Variants in NPAT observed in about 807,000 individuals in gnomAD.
NPAT encodes the protein protein NPAT.
Under a neutral mutation model 130.7 loss-of-function variants are expected in NPAT, and 52 were observed. The observed-to-expected ratio is 0.40, with a 90% CI of 0.32 to 0.50. The LOEUF is 0.50. NPAT is among the 20% of genes least tolerant of loss of function. The pLI, the probability that NPAT is intolerant of heterozygous loss-of-function variation, is 0.68. For missense variants in NPAT, 1,687 were observed against 1,662.6 expected, an observed-to-expected ratio of 1.01 and a Z score of -0.26; for synonymous variants, 580 against 584.8, an observed-to-expected ratio of 0.99 and a Z score of 0.12.
At position 108,173,728 on chromosome 11, in the gene NPAT, A is replaced by T. The variant is rs2077978428; in HGVS notation, c.1256T>A (p.Ile419Lys). Residue 419 changes from isoleucine to lysine, a missense_variant, in exon 13 of 18, where the codon ATA becomes AAA. Physicochemically the swap from Ile to Lys is moderately radical, Grantham distance 102. Coordinates refer to ENST00000278612, the MANE Select transcript of NPAT (RefSeq NM_002519.3). Reference protein sequence around the residue: ...RQEDQENFSQISTSIQKKAFK... With the variant: ...RQEDQENFSQKSTSIQKKAFK... ...GGCCTTTTTCTGTATGCTGGTACTT[A>T]TTTGGGAAAAATTTTCCTGGTCTTC... 6.2e-7 allele frequency: 1 copy of T among 1,613,966 alleles called. No homozygotes were observed. The highest frequency in any genetic ancestry group is 1.7e-5 in the Admixed American group (1 of 59,994).
At chr11:108,178,014 C>A (rs1411431813) in intron 10 of NPAT, among the ~76,000 whole-genome samples, 1 of 152,190 alleles carries the variant, frequency 6.6e-6, no homozygotes, top group Non-Finnish European at 1.5e-5. Flanking sequence ...AGTTACTGTG[C>A]CTGGCCCATA....
intron 1 of NPAT, among the ~76,000 whole-genome samples, chr11:108,199,326 C>T (rs956265927): frequency 6.6e-6 from 1 of 152,180 alleles, no homozygotes; most frequent in African/African-American, 2.4e-5. Context: ...TGCAGAGCTG[C>T]AGTGGGCATG....
At position 108,197,368 on chromosome 11, in the gene NPAT, T is replaced by G. The variant is rs1221442439; in HGVS notation, c.90A>C (p.Glu30Asp). The change falls in exon 2 of 18, where the codon GAA (glutamate) becomes GAC (aspartate). Residue 30 changes from glutamate to aspartate, a missense_variant. Physicochemically the swap from Glu to Asp is conservative, Grantham distance 45 (BLOSUM62 2). Transcript: ENST00000278612. ...LISTCQTFIL[E>D]SSDLKEYAEH... ...CTGCATATTCTTTTAAATCTGAACT[T>G]TCCAAAATAAAAGTCTGGCAGGTAG... The G allele has an allele frequency of 6.2e-7, 1 of 1,613,650 alleles. No homozygotes were observed. Among genetic ancestry groups the G allele is most frequent in the South Asian group, 1.1e-5 (1 of 91,054 alleles).
At chr11:108,215,339 C>T (rs1241407894) in intron 1 of NPAT, among the ~76,000 whole-genome samples, 4 of 151,986 alleles carry the variant, frequency 2.6e-5, no homozygotes, top group African/African-American at 9.7e-5. Context: ...AACACACGGG[C>T]ACATAAAGGG....
chr11:108,162,730 T>G (rs2077863911), intron 15 of NPAT, among the ~76,000 whole-genome samples: 1 of 152,172 alleles, frequency 6.6e-6, no homozygotes, highest in Non-Finnish European at 1.5e-5. Context: ...CGCGCCCGGT[T>G]CAGGCAAATA....
chr11:108,188,044 T>C, intron 7 of NPAT, 54 bp downstream of exon 7: 5 of 703,150 alleles, frequency 7.1e-6, no homozygotes, highest in African/African-American at 1.9e-5. Flanking sequence ...ATGTAATTCT[T>C]TTTTTTTTTT....
rs925797095 is a variant in NPAT, at chr11:108,163,236, C to T, written c.3011-1056G>A. The stretch of plus-strand genomic sequence containing the variant: ...CTGGGATTACAGGTGCACGCTGCCA[C>T]GCCTGGCTAATTTTTGTATTTTTAG... On this transcript the variant is annotated intron_variant, in intron 15 of 17. Coordinates refer to ENST00000278612, the MANE Select transcript of NPAT (RefSeq NM_002519.3). Among the ~76,000 whole-genome samples, 5 of 152,128 alleles carry T rather than the reference C, an allele frequency of 3.3e-5. No individual in the cohort carries two copies. The South Asian group carries it at 6.2e-4, about 19-fold the overall frequency.
rs183451718 is a variant in NPAT, at chr11:108,194,531, G to A, written c.157-514C>T. ...AAGGATTTATTTAATATTCATCCAC[G>A]TTATTGTGTGAATCAATAGCATGTT... is the stretch of plus-strand genomic sequence containing the variant. On this transcript the variant is annotated intron_variant, in intron 2 of 17. Transcript: ENST00000278612. Among the ~76,000 whole-genome samples, 14 of 152,306 alleles carry A rather than the reference G, an allele frequency of 9.2e-5. No homozygotes were observed. The East Asian group carries it at 2.3e-3, about 25-fold the overall frequency.
In NPAT at chr11:108,174,088, T is replaced by A. The variant is rs1484207250; in HGVS notation, c.1133-237A>T. Among the ~76,000 whole-genome samples, 6 of 152,168 alleles carry A rather than the reference T, an allele frequency of 3.9e-5. No homozygotes were observed. The East Asian group carries it at 9.6e-4, about 24-fold the overall frequency. On this transcript the variant is annotated intron_variant, in intron 12 of 17. Transcript: ENST00000278612. ...TTGTTTTCCAAGCTTGGAAGACAGATGATACAAAGAAGGAAAAAGTAAAGA... is the reference window on the plus strand; with the variant it reads ...TTGTTTTCCAAGCTTGGAAGACAGAAGATACAAAGAAGGAAAAAGTAAAGA...
intron 7 of NPAT, among the ~76,000 whole-genome samples, chr11:108,187,499 G>C (rs2078119304): frequency 6.6e-6 from 1 of 152,154 alleles, no homozygotes; most frequent in South Asian, 2.1e-4. Context: ...ATATGGTGAA[G>C]TGAGAAAGGC....
At position 108,161,280 on chromosome 11, in the gene NPAT, C is replaced by T. The variant is rs770784235; in HGVS notation, c.3806G>A (p.Arg1269Gln). 2.1e-5 allele frequency: 34 copies of T among 1,613,982 alleles called. No homozygotes were observed. The South Asian group carries it at 2.5e-4, about 12-fold the overall frequency. ...LADSSDLPVPRTPGSGAGEKH... is the reference protein window; with the variant it reads ...LADSSDLPVPQTPGSGAGEKH... The stretch of plus-strand genomic sequence containing the variant: ...TTCCCCTGCCCCTGAGCCAGGTGTC[C>T]GGGGCACAGGTAAATCACTACTATC... Residue 1269 changes from arginine (R) to glutamine (Q), a missense_variant, in exon 17 of 18, where the codon CGG (arginine) becomes CAG (glutamine). Arg to Gln is a conservative substitution (Grantham distance 43). Around this residue, in one of 3 missense-constraint regions of NPAT, gnomAD observed 1,379 missense variants for 1,346.6 expected, o/e 1.02. Transcript: ENST00000278612.
chr11:108,222,592 A>G lies in NPAT; in HGVS notation c.-56T>C. ...GAACAAGACTCAGGTTAAAGCAAAC[A>G]CAGCGACAGCTCCTGCGCCGCATCT... On this transcript the variant is annotated 5_prime_UTR_variant, in exon 1 of 18. Coordinates refer to ENST00000278612, the MANE Select transcript of NPAT (RefSeq NM_002519.3). 2 of 1,588,606 alleles carry G rather than the reference A, an allele frequency of 1.3e-6. No homozygotes were observed. The highest frequency in any genetic ancestry group is 1.7e-6 in the Non-Finnish European group (2 of 1,158,952).
chr11:108,218,736 T>C (rs1030881199), intron 1 of NPAT, among the ~76,000 whole-genome samples: 3 of 152,256 alleles, frequency 2.0e-5, no homozygotes, highest in South Asian at 2.1e-4. Flanking sequence ...TGAAGGATGG[T>C]TGGGAATCCC....
chr11:108,211,453 G>A (rs12294810), intron 1 of NPAT, among the ~76,000 whole-genome samples: 7,952 of 151,794 alleles, frequency 0.052, 675 homozygotes, highest in African/African-American at 0.18. Flanking sequence ...TGAAATGAGA[G>A]GATCACTTGA....
At chr11:108,196,065 A>T (rs2134873495) in intron 2 of NPAT, among the ~76,000 whole-genome samples, 1 of 152,014 alleles carries the variant, frequency 6.6e-6, no homozygotes, top group South Asian at 2.1e-4. Context: ...ACTTTGCACA[A>T]TTTTTTTCTT....
rs1440522483 is a variant in NPAT at position 108,194,009 on chromosome 11, A to C, written c.165T>G (p.Phe55Leu). 2 of 1,515,646 alleles carry C rather than the reference A, an allele frequency of 1.3e-6. No individual in the cohort carries two copies. Among genetic ancestry groups the C allele is most frequent in the Non-Finnish European group, 1.8e-6 (2 of 1,091,816 alleles). 93.9% of individuals were successfully genotyped at this position (1,515,646 alleles called of 1,614,324 possible). Residue 55 changes from phenylalanine to leucine, a missense_variant, in exon 3 of 18, where the codon TTT (phenylalanine) becomes TTG (leucine). By Grantham distance (22) the Phe-to-Leu change is conservative (BLOSUM62 0). This residue lies in a region of NPAT where 307 missense variants were observed against 298.9 expected (regional missense o/e 1.03). Transcript: ENST00000278612. ...TTAAAATTGTTGTCAAGTTTTTTCC[A>C]AATAAGGACTGAAAAGAAAAAGATC... Reference protein sequence around the residue: ...GFIPACLLSLFGKNLTTILNE... With the variant: ...GFIPACLLSLLGKNLTTILNE...
chr11:108,161,816 C>T lies in NPAT; in HGVS notation c.3270G>A (p.Arg1090=). 6.2e-7 allele frequency: 1 copy of T among 1,614,056 alleles called. No homozygotes were observed. Among genetic ancestry groups the T allele is most frequent in the South Asian group, 1.1e-5 (1 of 91,076 alleles). Residue 1090 remains arginine (R), a synonymous_variant, in exon 17 of 18, where the codon AGG becomes AGA. Coordinates refer to ENST00000278612, the MANE Select transcript of NPAT (RefSeq NM_002519.3). ...NHKMVSQNKE[R]NAVSFPNLDS... ...CAAGATTAGGAAAAGAGACTGCATT[C>T]CTTTCTTTGTTTTGGGACACCATCT... is the stretch of plus-strand genomic sequence containing the variant.
chr11:108,160,607 C>T lies in NPAT; in HGVS notation c.4206+273G>A, dbSNP rs189475895. Among the ~76,000 whole-genome samples, 8 of 152,236 alleles carry T rather than the reference C, an allele frequency of 5.3e-5. No homozygotes were observed. In the East Asian group the frequency reaches 1.5e-3, roughly 29 times the overall value. On this transcript the variant is annotated intron_variant, in intron 17 of 17. Transcript: ENST00000278612. ...AGATGTTTATAAACAAATGCCTCAG[C>T]AGTTTTTCCTGAAAATGCTGTTTCA...
intron 1 of NPAT, among the ~76,000 whole-genome samples, chr11:108,218,481 A>G (rs1047767897): frequency 1.3e-5 from 2 of 152,248 alleles, no homozygotes; most frequent in African/African-American, 4.8e-5. Context: ...TTAAGCATGC[A>G]AATAATTCTT....
Sources: allele counts gnomAD v4.1 joint callset (sites outside exome capture counted in the v4.1 genomes callset), GRCh38; gene constraint gnomAD v4.1.1; regional missense constraint gnomAD v4.1.1; transcripts MANE v1.5; gene names NCBI Gene and HGNC (gene_info 2026-07-23, HGNC 2026-07-21).